The following CLVS1 variants were observed in gnomAD, a reference collection of about 807,000 sequenced individuals.
CLVS1 encodes the protein clavesin 1.
Under a neutral mutation model 33.1 loss-of-function variants are expected in CLVS1, and 10 were observed. That is an observed-to-expected ratio of 0.30 (90% CI 0.19 to 0.51). The LOEUF (loss-of-function observed/expected upper bound fraction) is 0.51. Ranked by LOEUF, CLVS1 falls within the 20% of genes least tolerant of loss-of-function variation. The pLI is 0.97. For missense variants in CLVS1, 343 were observed against 433.4 expected, an observed-to-expected ratio of 0.79 and a Z score of 1.85; for synonymous variants, 163 against 166.1, an observed-to-expected ratio of 0.98 and a Z score of 0.14.
chr8:61,300,950 C>T (rs547914754), intron 2 of CLVS1: 1 of 152,344 alleles, frequency 6.6e-6, no homozygotes, highest in African/African-American at 2.4e-5. Flanking sequence ...TGTGAAATCT[C>T]TTCCCTTCTC....
intron 3 of CLVS1, among the ~76,000 whole-genome samples, chr8:61,450,804 C>T (rs541906524): frequency 8.0e-4 from 122 of 152,276 alleles, no homozygotes; most frequent in African/African-American, 2.7e-3. Flanking sequence ...GAAGGTTTGG[C>T]AGAGTTTGGG....
chr8:60,998,805 C>G, the CLVS1 span, among the ~76,000 whole-genome samples: 1 of 152,192 alleles, frequency 6.6e-6, no homozygotes, highest in Non-Finnish European at 1.5e-5. Context: ...TGCTGAGCAT[C>G]TCACCCAGTG....
chr8:61,373,715 T>A (rs1813530362), intron 2 of CLVS1, among the ~76,000 whole-genome samples: 1 of 152,236 alleles, frequency 6.6e-6, no homozygotes, highest in Non-Finnish European at 1.5e-5. Flanking sequence ...CTTGATCTTT[T>A]TTCTTCATTT....
At chr8:61,198,659 C>T (rs1192498463) in intron 2 of CLVS1, among the ~76,000 whole-genome samples, 1 of 152,178 alleles carries the variant, frequency 6.6e-6, no homozygotes, top group African/African-American at 2.4e-5. Flanking sequence ...AGATAACAGG[C>T]GTGAGCCACT....
chr8:61,477,240 A>G (rs899828867), intron 5 of CLVS1, among the ~76,000 whole-genome samples: 1 of 152,126 alleles, frequency 6.6e-6, no homozygotes, highest in Admixed American at 6.5e-5. Context: ...TTCATCAAGG[A>G]TATTGGTCTA....
chr8:60,994,741 A>G, the CLVS1 span, among the ~76,000 whole-genome samples: 7 of 152,176 alleles, frequency 4.6e-5, no homozygotes, highest in Admixed American at 2.6e-4. Flanking sequence ...GTTTTTTCCA[A>G]TTCTGAGAAG....
At chr8:61,143,248 C>T (rs1006642779) in intron 2 of CLVS1, among the ~76,000 whole-genome samples, 5 of 152,050 alleles carry the variant, frequency 3.3e-5, no homozygotes, top group Non-Finnish European at 7.4e-5. Flanking sequence ...AGGAAGTAAC[C>T]CTGTCCTTGT....
the CLVS1 span, among the ~76,000 whole-genome samples, chr8:60,975,091 T>A: frequency 6.6e-6 from 1 of 152,060 alleles, no homozygotes; most frequent in Non-Finnish European, 1.5e-5. Context: ...ACCCTGTGAG[T>A]GCCCTTGGAA....
At chr8:61,223,002 C>G (rs540879123) in intron 2 of CLVS1, among the ~76,000 whole-genome samples, 2 of 148,962 alleles carry the variant, frequency 1.3e-5, no homozygotes, top group East Asian at 2.0e-4. Context: ...AAAAAAAGAC[C>G]TGCTTTTTTT....
intron 1 of CLVS1, among the ~76,000 whole-genome samples, chr8:61,115,483 G>A (rs1030053150): frequency 7.2e-5 from 11 of 151,778 alleles, no homozygotes; most frequent in East Asian, 1.9e-4. Context: ...CCACTAACTC[G>A]TCATCTAGCA....
At chr8:61,039,348 G>A in the CLVS1 span, among the ~76,000 whole-genome samples, 93 of 152,174 alleles carry the variant, frequency 6.1e-4, no homozygotes, top group African/African-American at 2.2e-3. Context: ...ATTCACTAAT[G>A]GGTTGAGCCC....
At chr8:61,312,093 A>T (rs879773260) in intron 2 of CLVS1, among the ~76,000 whole-genome samples, 3 of 152,154 alleles carry the variant, frequency 2.0e-5, no homozygotes, top group Non-Finnish European at 4.4e-5. Context: ...TGCTTTCCCC[A>T]GTTCTCAACA....
In CLVS1 at chr8:61,063,260, CGAGAGAGA is replaced by C. The variant is rs555022524; in HGVS notation, c.-243+6057_-243+6064del. ...ATCTACACAGGAGAAAGTGAGGAAG[CGAGAGAGA>C]GAGAGAGAGAGAGAGAGAGAGAGAG... On this transcript the variant is annotated intron_variant, in intron 1 of 2. Coordinates refer to the CLVS1 transcript ENST00000522621. Among the ~76,000 whole-genome samples, 8 of 82,018 alleles carry C rather than the reference CGAGAGAGA, an allele frequency of 9.8e-5. No individual in the cohort carries two copies. The East Asian group carries it at 1.6e-3, about 17-fold the overall frequency. The allele number at this position is 82,018 out of a possible 152,430, so 53.8% of individuals were successfully genotyped here.
At chr8:61,485,169 G>C (rs1379667213) in intron 5 of CLVS1, among the ~76,000 whole-genome samples, 1 of 152,030 alleles carries the variant, frequency 6.6e-6, no homozygotes, top group Non-Finnish European at 1.5e-5. Context: ...CCCACAAAAT[G>C]GGAGAAAATT....
At chr8:61,334,698 T>A (rs1177899488) in intron 2 of CLVS1, among the ~76,000 whole-genome samples, 5 of 152,138 alleles carry the variant, frequency 3.3e-5, no homozygotes, top group Admixed American at 3.3e-4. Context: ...GAGAGGCACT[T>A]TCCACTGAGG....
chr8:61,009,171 A>ATT, the CLVS1 span, among the ~76,000 whole-genome samples: 12 of 145,258 alleles, frequency 8.3e-5, no homozygotes, highest in African/African-American at 2.5e-4. Flanking sequence ...ACTCTTAAAA[A>ATT]TTTTTTTTTT....
At chr8:60,992,456 C>G in the CLVS1 span, among the ~76,000 whole-genome samples, 1 of 152,168 alleles carries the variant, frequency 6.6e-6, no homozygotes, top group African/African-American at 2.4e-5. Context: ...AGAAAGACTG[C>G]TGGAATGATC....
intron 1 of CLVS1, among the ~76,000 whole-genome samples, chr8:61,116,651 T>C (rs1018189590): frequency 2.2e-4 from 33 of 151,606 alleles, no homozygotes; most frequent in African/African-American, 7.8e-4. Flanking sequence ...TGCTTGTTTT[T>C]CTCAGGTTTG....
At chr8:61,058,649 T>C (rs572440203) in intron 1 of CLVS1, among the ~76,000 whole-genome samples, 2 of 152,340 alleles carry the variant, frequency 1.3e-5, no homozygotes, top group East Asian at 3.9e-4. Context: ...AGATAGTGAA[T>C]ATATTCATCA....
Sources: allele counts gnomAD v4.1 joint callset (sites outside exome capture counted in the v4.1 genomes callset), GRCh38; gene constraint gnomAD v4.1.1; transcripts MANE v1.5; gene names NCBI Gene and HGNC (gene_info 2026-07-23, HGNC 2026-07-21).